The following SLC44A5 variants were observed in gnomAD, a reference collection of about 807,000 sequenced individuals.
The protein encoded by SLC44A5 is choline transporter-like protein 5.
SLC44A5 carries 57 observed loss-of-function variants against 101.8 expected under a neutral mutation model. That is an observed-to-expected ratio of 0.56 (90% CI 0.45 to 0.70). The LOEUF is 0.70. Ranked by LOEUF, SLC44A5 falls within the 30% of genes least tolerant of loss-of-function variation. SLC44A5 has a pLI of 0.00. For missense variants in SLC44A5, 737 were observed against 853.1 expected (o/e 0.86, Z 1.70); for synonymous variants, 281 against 290.9 (o/e 0.97, Z 0.35).
intron 4 of SLC44A5, among the ~76,000 whole-genome samples, chr1:75,319,370 T>C (rs1033421387): frequency 3.3e-5 from 5 of 152,216 alleles, no homozygotes; most frequent in Admixed American, 6.5e-5. Flanking sequence ...GTTGAATTTG[T>C]TATAAAACTT....
intron 19 of SLC44A5, 129 bp downstream of exon 19, chr1:75,215,625 A>G (rs192833223): frequency 5.5e-5 from 32 of 580,358 alleles, no homozygotes; most frequent in African/African-American, 1.7e-4. Flanking sequence ...CATTGGATTC[A>G]CAGGCCTTAT....
At chr1:75,438,411 G>A (rs1019047949) in intron 2 of SLC44A5, among the ~76,000 whole-genome samples, 1 of 151,978 alleles carries the variant, frequency 6.6e-6, no homozygotes, top group Non-Finnish European at 1.5e-5. Context: ...AGAACTGCTG[G>A]GTTTGCAGAA....
chr1:75,543,992 A>G (rs1671506656), intron 1 of SLC44A5, among the ~76,000 whole-genome samples: 1 of 152,178 alleles, frequency 6.6e-6, no homozygotes, highest in Non-Finnish European at 1.5e-5. Flanking sequence ...TTATATTGAA[A>G]TAATTTCAAA....
chr1:75,402,837 T>TG (rs1345853086), intron 2 of SLC44A5, among the ~76,000 whole-genome samples: 1 of 152,090 alleles, frequency 6.6e-6, no homozygotes, highest in Non-Finnish European at 1.5e-5. Context: ...GGAATGCCAG[T>TG]GAGACAGAAC....
chr1:75,527,134 CAAAAAAAAAGAAAAAA>C (rs1670451168), intron 2 of SLC44A5, among the ~76,000 whole-genome samples: 1 of 81,852 alleles, frequency 1.2e-5, no homozygotes, highest in Non-Finnish European at 2.5e-5. Flanking sequence ...GACACTGTCG[CAAAAAAAAAGAAAAAA>C]AAAAGAAAAG....
chr1:75,277,393 A>C (rs575972065), intron 5 of SLC44A5, among the ~76,000 whole-genome samples: 5 of 152,316 alleles, frequency 3.3e-5, no homozygotes, highest in Non-Finnish European at 5.9e-5. Flanking sequence ...AGATAGCTGC[A>C]GCTCAGAGTT....
chr1:75,506,420 T>G (rs1033007596), intron 2 of SLC44A5, among the ~76,000 whole-genome samples: 3 of 152,170 alleles, frequency 2.0e-5, no homozygotes, highest in African/African-American at 7.2e-5. Context: ...CAGGCTTGAA[T>G]CTATAGATTG....
At chr1:75,367,456 A>C (rs1659935316) in intron 3 of SLC44A5, among the ~76,000 whole-genome samples, 1 of 152,192 alleles carries the variant, frequency 6.6e-6, no homozygotes, top group African/African-American at 2.4e-5. Context: ...TGGGCCTATT[A>C]ACAGGTTTGT....
chr1:75,395,013 T>A (rs1046315019), intron 3 of SLC44A5, among the ~76,000 whole-genome samples: 2 of 152,004 alleles, frequency 1.3e-5, no homozygotes, highest in African/African-American at 2.4e-5. Context: ...TAGTACAATA[T>A]CCTATATTGA....
chr1:75,561,070 G>A (rs1672492535), intron 1 of SLC44A5, among the ~76,000 whole-genome samples: 2 of 152,082 alleles, frequency 1.3e-5, no homozygotes, highest in Admixed American at 1.3e-4. Flanking sequence ...CAGCTATTTA[G>A]TTGTGGCTTC....
At chr1:75,578,356 CTT>C (rs1673491720) in intron 1 of SLC44A5, among the ~76,000 whole-genome samples, 1 of 152,110 alleles carries the variant, frequency 6.6e-6, no homozygotes, top group Non-Finnish European at 1.5e-5. Context: ...ATATTTTTCT[CTT>C]GTCATTCTCT....
upstream of SLC44A5, among the ~76,000 whole-genome samples, chr1:75,615,102 C>T (rs925317285): frequency 1.3e-5 from 2 of 152,160 alleles, no homozygotes; most frequent in African/African-American, 4.8e-5. Context: ...CCTTGTCCTC[C>T]CCGCCATCGC....
intron 2 of SLC44A5, among the ~76,000 whole-genome samples, chr1:75,517,952 G>A (rs944994831): frequency 2.0e-5 from 3 of 152,272 alleles, no homozygotes; most frequent in East Asian, 1.9e-4. Context: ...TTTCCCAAAT[G>A]TCTTAAGTCA....
At chr1:75,290,459 C>G (rs370741750) in intron 5 of SLC44A5, among the ~76,000 whole-genome samples, 31 of 152,212 alleles carry the variant, frequency 2.0e-4, no homozygotes, top group African/African-American at 7.5e-4. Flanking sequence ...CAGTTTCCAC[C>G]CCTAGGCCTG....
chr1:75,696,366 G>T, the SLC44A5 span, among the ~76,000 whole-genome samples: 1 of 152,162 alleles, frequency 6.6e-6, no homozygotes, highest in Non-Finnish European at 1.5e-5. Flanking sequence ...CAAAGGAAGA[G>T]AACTAGAATA....
the SLC44A5 span, among the ~76,000 whole-genome samples, chr1:75,676,256 T>A: frequency 6.6e-6 from 1 of 152,182 alleles, no homozygotes; most frequent in Admixed American, 6.5e-5. Flanking sequence ...CATATGTTCA[T>A]TGCAGCACTA....
intron 4 of SLC44A5, among the ~76,000 whole-genome samples, chr1:75,303,934 C>A (rs956430424): frequency 6.6e-6 from 1 of 151,946 alleles, no homozygotes; most frequent in Admixed American, 6.6e-5. Flanking sequence ...TGCACATGTA[C>A]CCTAGAACTT....
intron 2 of SLC44A5, among the ~76,000 whole-genome samples, chr1:75,536,631 G>GAAGAAAGA (rs1671028780): frequency 7.9e-6 from 1 of 126,744 alleles, no homozygotes; most frequent in Non-Finnish European, 1.6e-5. Flanking sequence ...AGAAAAGAAA[G>GAAGAAAGA]AAAAAAAAAG....
chr1:75,285,818 C>T (rs1385572063), intron 5 of SLC44A5, among the ~76,000 whole-genome samples: 1 of 151,782 alleles, frequency 6.6e-6, no homozygotes, highest in Non-Finnish European at 1.5e-5. Flanking sequence ...TTTTATTCTA[C>T]TGTGGTTTGA....
Sources: gnomAD v4.1 joint callset for allele counts (sites outside exome capture counted in the v4.1 genomes callset) on GRCh38, gnomAD v4.1.1 for gene constraint, MANE v1.5 for transcripts, NCBI Gene and HGNC (gene_info 2026-07-23, HGNC 2026-07-21) for gene names.